RPH3A: variants seen among roughly 807,000 people sequenced by gnomAD.
RPH3A encodes rabphilin-3A.
A neutral mutation model predicts 102.2 loss-of-function variants in RPH3A; 48 were observed. The observed-to-expected ratio is 0.47, with a 90% CI of 0.37 to 0.60. The LOEUF (loss-of-function observed/expected upper bound fraction) is 0.60, where lower values mean the gene tolerates loss of function less well. Among genes scored for constraint, RPH3A ranks in the 20% least tolerant of loss-of-function variants. RPH3A has a pLI of 0.00. For synonymous variants in RPH3A, 310 were observed against 324.3 expected (o/e 0.96, Z 0.47); for missense variants, 781 against 910.1 (o/e 0.86, Z 1.83).
chr12:112,835,798 T>C (rs1291409265), intron 3 of RPH3A, among the ~76,000 whole-genome samples: 2 of 152,230 alleles, frequency 1.3e-5, no homozygotes, highest in Non-Finnish European at 2.9e-5. Flanking sequence ...ATGATCATGT[T>C]TGAAACCAAC....
chr12:112,657,805 G>T (rs1406254623), intron 1 of RPH3A, among the ~76,000 whole-genome samples: 1 of 152,204 alleles, frequency 6.6e-6, no homozygotes, highest in East Asian at 1.9e-4. Context: ...GGTAGGGAGT[G>T]CTGAGATGAT....
intron 1 of RPH3A, among the ~76,000 whole-genome samples, chr12:112,609,708 G>A (rs939693993): frequency 1.3e-5 from 2 of 152,142 alleles, no homozygotes; most frequent in African/African-American, 4.8e-5. Flanking sequence ...CTGTCAACAT[G>A]CATGAATAAA....
chr12:112,710,953 A>G (rs1392630420), intron 1 of RPH3A, among the ~76,000 whole-genome samples: 2 of 152,194 alleles, frequency 1.3e-5, no homozygotes, highest in African/African-American at 4.8e-5. Flanking sequence ...GAATGAAACA[A>G]TTCAGTAGGC....
chr12:112,817,694 T>C (rs914213644), intron 2 of RPH3A, among the ~76,000 whole-genome samples: 3 of 152,136 alleles, frequency 2.0e-5, no homozygotes, highest in African/African-American at 7.2e-5. Flanking sequence ...GTAGTTAGTT[T>C]TGCTTTTAAT....
At chr12:112,665,992 G>T (rs2040080960) in intron 1 of RPH3A, among the ~76,000 whole-genome samples, 1 of 152,186 alleles carries the variant, frequency 6.6e-6, no homozygotes, top group Non-Finnish European at 1.5e-5. Context: ...CAAAGCCACT[G>T]GTTGGTCAGG....
At position 112,687,894 on chromosome 12, in the gene RPH3A, T is replaced by A. The variant is rs193100629; in HGVS notation, c.-139-104249T>A. 3.3e-4 allele frequency among the ~76,000 whole-genome samples: 51 copies of A among 152,284 alleles called. 1 individual carries two copies. Among genetic ancestry groups the A allele is most frequent in the Admixed American group, 1.2e-3 (18 of 15,304 alleles). On this transcript the variant is annotated intron_variant, in intron 1 of 21. Coordinates refer to the RPH3A transcript ENST00000543106. ...TTTCTTTGCTCATCCAAAACTTTTT[T>A]AGGATAATTCAGAGTAGGAATATCT...
At chr12:112,867,847 T>C (rs2136223648) in intron 7 of RPH3A, among the ~76,000 whole-genome samples, 1 of 152,338 alleles carries the variant, frequency 6.6e-6, no homozygotes, top group East Asian at 1.9e-4. Flanking sequence ...CTTGACCAAC[T>C]AAACCTGAAG....
intron 1 of RPH3A, among the ~76,000 whole-genome samples, chr12:112,737,181 A>T: frequency 6.6e-6 from 1 of 151,824 alleles, no homozygotes; most frequent in Non-Finnish European, 1.5e-5. Context: ...AAATAAAAAA[A>T]AAACAAACAA....
Position 112,866,910 on chromosome 12 carries a change from G to A in RPH3A, c.444+70G>A, listed in dbSNP as rs1232544267. ...TTGGCCAGCTTAAGAGGTGCCTTAA[G>A]AGGTTTGTATGAAAGGACCCAGCTC... On this transcript the variant is annotated intron_variant, in intron 7 of 21. Coordinates refer to ENST00000389385, the MANE Select transcript of RPH3A (RefSeq NM_001143854.2). The A allele has an allele frequency of 4.8e-6, 6 of 1,256,464 alleles. No individual in the cohort carries two copies. The Admixed American group carries it at 7.7e-5, about 16-fold the overall frequency. 77.8% of individuals were successfully genotyped at this position (1,256,464 alleles called of 1,614,324 possible). A position where few individuals can be genotyped will look rare whatever the true frequency, so the allele number is the denominator to read the frequency against.
At chr12:112,736,043 T>C (rs976767632) in intron 1 of RPH3A, among the ~76,000 whole-genome samples, 4 of 152,162 alleles carry the variant, frequency 2.6e-5, no homozygotes, top group African/African-American at 9.7e-5. Context: ...CTTTTCCCCC[T>C]CTTCTAAACC....
chr12:112,603,521 T>C (rs1253431623), intron 1 of RPH3A, among the ~76,000 whole-genome samples: 1 of 152,108 alleles, frequency 6.6e-6, no homozygotes, highest in Non-Finnish European at 1.5e-5. Flanking sequence ...TGTATATACA[T>C]AGGATAACAA....
chr12:112,651,311 A>T (rs927611188), intron 1 of RPH3A, among the ~76,000 whole-genome samples: 1 of 151,938 alleles, frequency 6.6e-6, no homozygotes, highest in African/African-American at 2.4e-5. Context: ...GGCTGTAGTG[A>T]GCAGAGATTG....
chr12:112,727,982 A>G (rs1414920220), intron 1 of RPH3A, among the ~76,000 whole-genome samples: 2 of 152,158 alleles, frequency 1.3e-5, no homozygotes, highest in African/African-American at 4.8e-5. Context: ...AAACCCATGA[A>G]TATGTAAAGT....
At chr12:112,783,459 C>T (rs2041022799) in intron 1 of RPH3A, among the ~76,000 whole-genome samples, 2 of 152,308 alleles carry the variant, frequency 1.3e-5, no homozygotes, top group South Asian at 4.1e-4. Context: ...TTGTCACACT[C>T]CTGTCACGTT....
intron 1 of RPH3A, among the ~76,000 whole-genome samples, chr12:112,683,374 A>G (rs2040240064): frequency 6.6e-6 from 1 of 152,194 alleles, no homozygotes; most frequent in African/African-American, 2.4e-5. Context: ...TGAGTGAGTG[A>G]GTCACAGGCT....
intron 1 of RPH3A, among the ~76,000 whole-genome samples, chr12:112,589,728 G>T (rs1422538780): frequency 6.6e-6 from 1 of 152,164 alleles, no homozygotes; most frequent in South Asian, 2.1e-4. Flanking sequence ...CTCCATGAGG[G>T]CAGGGACCCT....
At chr12:112,895,692 A>G (rs1048058295) in intron 20 of RPH3A, 85 bp from the exon 21 acceptor site, 3 of 911,616 alleles carry the variant, frequency 3.3e-6, no homozygotes, top group Non-Finnish European at 3.6e-6. Flanking sequence ...TCCTTGGCCC[A>G]TAACCCCTAG....
intron 1 of RPH3A, among the ~76,000 whole-genome samples, chr12:112,596,772 T>C (rs233720): frequency 0.16 from 24,392 of 152,186 alleles, 2,240 homozygotes; most frequent in South Asian, 0.3. Flanking sequence ...AGATTTTTAT[T>C]TGGATTCTAG....
chr12:112,612,031 C>T (rs2039642898), intron 1 of RPH3A, among the ~76,000 whole-genome samples: 1 of 152,112 alleles, frequency 6.6e-6, no homozygotes, highest in Non-Finnish European at 1.5e-5. Flanking sequence ...TTCTTGGAAC[C>T]GTAATGAAAT....
Sources: gnomAD v4.1 joint callset for allele counts (sites outside exome capture counted in the v4.1 genomes callset) on GRCh38, gnomAD v4.1.1 for gene constraint, MANE v1.5 for transcripts, NCBI Gene and HGNC (gene_info 2026-07-23, HGNC 2026-07-21) for gene names.